The following CHRM2 variants were observed in gnomAD, a reference collection of about 807,000 sequenced individuals.
CHRM2 encodes the protein muscarinic acetylcholine receptor M2.
A neutral mutation model predicts 25.0 loss-of-function variants in CHRM2; 8 were observed. The ratio of observed to expected loss-of-function variants is 0.32; its 90% CI spans 0.19 to 0.58. The LOEUF is 0.58. CHRM2 is among the 20% of genes least tolerant of loss of function. CHRM2 has a pLI of 0.88. For synonymous variants in CHRM2, 202 were observed against 205.7 expected, an observed-to-expected ratio of 0.98 and a Z score of 0.15; for missense variants, 440 against 567.1, an observed-to-expected ratio of 0.78 and a Z score of 2.28.
At chr7:136,975,317 TAAAA>T (rs896486472) in intron 2 of CHRM2, among the ~76,000 whole-genome samples, 24 of 152,130 alleles carry the variant, frequency 1.6e-4, no homozygotes, top group Non-Finnish European at 5.9e-5. Context: ...TTATGAACTC[TAAAA>T]AAGTGGAGTA....
intron 2 of CHRM2, among the ~76,000 whole-genome samples, chr7:136,908,242 G>C (rs539337208): frequency 6.6e-6 from 1 of 151,770 alleles, no homozygotes; most frequent in African/African-American, 2.4e-5. Flanking sequence ...ACAGTTTTAC[G>C]TCATCCTTCT....
At chr7:136,919,271 G>A (rs1315622563) in intron 2 of CHRM2, among the ~76,000 whole-genome samples, 4 of 152,122 alleles carry the variant, frequency 2.6e-5, no homozygotes, top group Middle Eastern at 3.4e-3. Flanking sequence ...TCTTAAATAC[G>A]ACCATACTAA....
intron 2 of CHRM2, among the ~76,000 whole-genome samples, chr7:136,984,197 G>C (rs1802683215): frequency 6.6e-6 from 1 of 152,102 alleles, no homozygotes; most frequent in Admixed American, 6.5e-5. Flanking sequence ...GATGTGGTGG[G>C]CTCCACCCAG....
chr7:136,896,983 G>C (rs1217125159), intron 2 of CHRM2, among the ~76,000 whole-genome samples: 1 of 152,018 alleles, frequency 6.6e-6, no homozygotes, highest in African/African-American at 2.4e-5. Context: ...AAGGAGTCAC[G>C]GTGAGTAACT....
At chr7:136,923,301 G>A (rs2130744664) in intron 2 of CHRM2, among the ~76,000 whole-genome samples, 1 of 145,184 alleles carries the variant, frequency 6.9e-6, no homozygotes, top group South Asian at 2.2e-4. Flanking sequence ...GTAAAGATGT[G>A]AAATTCCCAA....
chr7:136,899,189 A>G (rs1797065128), intron 2 of CHRM2: 1 of 152,100 alleles, frequency 6.6e-6, no homozygotes, highest in Non-Finnish European at 1.5e-5. Context: ...CTAAAATAAA[A>G]TGAACACTTT....
intron 3 of CHRM2, among the ~76,000 whole-genome samples, chr7:137,013,818 ACGTC>A (rs1397052614): frequency 2.6e-5 from 4 of 152,020 alleles, no homozygotes; most frequent in Non-Finnish European, 5.9e-5. Flanking sequence ...TCATCATTGA[ACGTC>A]CAGAACACCT....
chr7:136,875,080 C>G (rs1370598844), intron 2 of CHRM2, among the ~76,000 whole-genome samples: 1 of 148,382 alleles, frequency 6.7e-6, no homozygotes, highest in Non-Finnish European at 1.5e-5. Context: ...TATATATACA[C>G]ATATATACAT....
chr7:137,001,215 C>G (rs945722726), intron 3 of CHRM2, among the ~76,000 whole-genome samples: 10 of 152,126 alleles, frequency 6.6e-5, no homozygotes, highest in Non-Finnish European at 1.0e-4. Flanking sequence ...CTCCTCCCCC[C>G]TCAGACAGGG....
chr7:136,938,845 C>T (rs1030343548), intron 2 of CHRM2, among the ~76,000 whole-genome samples: 2 of 147,586 alleles, frequency 1.4e-5, no homozygotes, highest in African/African-American at 2.5e-5. Flanking sequence ...CTGGGGACCC[C>T]CCTTGCCGAT....
At chr7:136,892,461 GA>G (rs35290476) in intron 2 of CHRM2, among the ~76,000 whole-genome samples, 2,231 of 147,450 alleles carry the variant, frequency 0.015, 57 homozygotes, top group African/African-American at 0.052. Context: ...TCAAGGACAA[GA>G]AAAAAAAAAT....
chr7:137,004,132 A>C (rs550186495), intron 3 of CHRM2, among the ~76,000 whole-genome samples: 1 of 152,282 alleles, frequency 6.6e-6, no homozygotes, highest in Admixed American at 6.5e-5. Flanking sequence ...ATTTATGAAC[A>C]AGTCCCAATC....
chr7:136,978,452 G>C lies in CHRM2; in HGVS notation c.-124-13735G>C, dbSNP rs575228807. Among the ~76,000 whole-genome samples, 124 of 152,000 alleles carry C rather than the reference G, an allele frequency of 8.2e-4. 3 individuals carry two copies. Among genetic ancestry groups the C allele is most frequent in the Admixed American group, 8.1e-3 (124 of 15,260 alleles). ...AATTTTAAACAGGAGATTTATTAGC[G>C]CATCTTTTTTTTATTGTACTTTAAG... On this transcript the variant is annotated intron_variant, in intron 2 of 3. Transcript: ENST00000680005.
At chr7:136,968,800 CA>C (rs140584383) in intron 2 of CHRM2, among the ~76,000 whole-genome samples, 33,511 of 149,308 alleles carry the variant, frequency 0.22, 4,873 homozygotes, top group Non-Finnish European at 0.32. Context: ...TCATGTGCTG[CA>C]ATATGGATGA....
chr7:136,927,902 C>T (rs1798839925), intron 2 of CHRM2, among the ~76,000 whole-genome samples: 1 of 152,126 alleles, frequency 6.6e-6, no homozygotes, highest in African/African-American at 2.4e-5. Context: ...GATATGGACC[C>T]TGAAAACAGA....
rs546226532 is a variant in CHRM2 at position 136,869,870 on chromosome 7, G to C, written c.-125+452G>C. 2 of 152,530 alleles carry C rather than the reference G, an allele frequency of 1.3e-5. No homozygotes were observed. Among genetic ancestry groups the C allele is most frequent in the African/African-American group, 2.4e-5 (1 of 41,452 alleles). The allele number at this position is 152,530 out of a possible 1,614,324, so 9.4% of individuals were successfully genotyped here. ...GCCCCTCGGGTTCCTTCCTGCTGGG[G>C]TCTGACCGCGTCTTCTGTGCGTGTG... On this transcript the variant is annotated intron_variant, in intron 2 of 3. Transcript: ENST00000680005. The surrounding 1 kb of genome is among the most constrained non-coding windows in gnomAD (Gnocchi z 4.9).
rs139199266 is a variant in CHRM2 at position 136,959,907 on chromosome 7, G to A, written c.-124-32280G>A. 2.4e-3 allele frequency among the ~76,000 whole-genome samples: 364 copies of A among 152,136 alleles called. 3 individuals are homozygous for A. The highest frequency in any genetic ancestry group is 8.1e-3 in the African/African-American group (338 of 41,518). On this transcript the variant is annotated intron_variant, in intron 2 of 3. Coordinates refer to ENST00000680005, the MANE Select transcript of CHRM2 (RefSeq NM_001006630.2). ...GCCTGGGCAGCAAGAGCAAAACTCCGTCCAAAAAACAAAAACAAAAACAAA... is the reference window on the plus strand; with the variant it reads ...GCCTGGGCAGCAAGAGCAAAACTCCATCCAAAAAACAAAAACAAAAACAAA...
At chr7:136,999,547 C>G (rs956365789) in intron 3 of CHRM2, among the ~76,000 whole-genome samples, 2 of 151,888 alleles carry the variant, frequency 1.3e-5, no homozygotes, top group Admixed American at 6.6e-5. Flanking sequence ...TCCCTCCCCC[C>G]TCCTCCCACC....
intron 2 of CHRM2, among the ~76,000 whole-genome samples, chr7:136,985,516 AAAAAAAAAAAAAC>A: frequency 6.6e-6 from 1 of 151,520 alleles, no homozygotes; most frequent in African/African-American, 2.4e-5. Context: ...AAAAAAAAAA[AAAAAAAAAAAAAC>A]AAAAACACCT....
Sources: allele counts gnomAD v4.1 joint callset (sites outside exome capture counted in the v4.1 genomes callset), GRCh38; gene constraint gnomAD v4.1.1; non-coding constraint Gnocchi (gnomAD v3.1); transcripts MANE v1.5; gene names NCBI Gene and HGNC (gene_info 2026-07-23, HGNC 2026-07-21).